UBE2E1: variants seen among roughly 807,000 people sequenced by gnomAD.
The protein encoded by UBE2E1 is ubiquitin conjugating enzyme E2 E1.
A neutral mutation model predicts 21.4 loss-of-function variants in UBE2E1; 6 were observed. That is an observed-to-expected ratio of 0.28 (90% CI 0.15 to 0.55). The LOEUF (loss-of-function observed/expected upper bound fraction) is 0.55, where lower values mean the gene tolerates loss of function less well. UBE2E1 is among the 20% of genes least tolerant of loss of function. The pLI is 0.93. For missense variants in UBE2E1, 142 were observed against 236.5 expected (o/e 0.60, Z 2.62); for synonymous variants, 87 against 82.7 (o/e 1.05, Z -0.28).
intron 3 of UBE2E1, among the ~76,000 whole-genome samples, chr3:23,885,723 A>AATGGCGC (rs1409486332): frequency 6.6e-6 from 1 of 152,022 alleles, no homozygotes; most frequent in Non-Finnish European, 1.5e-5. Flanking sequence ...AGCCAGGCAT[A>AATGGCGC]ATGGCGCATG....
chr3:23,865,244 A>G (rs1203800250), intron 3 of UBE2E1, among the ~76,000 whole-genome samples: 1 of 152,216 alleles, frequency 6.6e-6, no homozygotes, highest in East Asian at 1.9e-4. Context: ...ACTGAGGCCC[A>G]GGCAACTCCT....
chr3:23,838,453 C>G (rs1174434953), intron 3 of UBE2E1, among the ~76,000 whole-genome samples: 1 of 152,068 alleles, frequency 6.6e-6, no homozygotes, highest in Non-Finnish European at 1.5e-5. Flanking sequence ...AATGGTTAGA[C>G]CATTAACATT....
chr3:23,816,563 C>T lies in UBE2E1; in HGVS notation c.203+5053C>T, dbSNP rs568733042. The stretch of plus-strand genomic sequence containing the variant: ...CTACTAAAAATACAAAAAAATTAGC[C>T]GGGCATGGTGGCGGGCACCTGTAGT... On this transcript the variant is annotated intron_variant, in intron 3 of 5. Coordinates refer to ENST00000306627, the MANE Select transcript of UBE2E1 (RefSeq NM_003341.5). The surrounding 1 kb of genome is among the most constrained non-coding windows in gnomAD (Gnocchi z 4.8). 1.4e-4 allele frequency among the ~76,000 whole-genome samples: 21 copies of T among 152,146 alleles called. No individual in the cohort carries two copies. Among genetic ancestry groups the T allele is most frequent in the South Asian group, 6.2e-4 (3 of 4,814 alleles).
chr3:23,829,582 A>G (rs1467015811), intron 3 of UBE2E1, among the ~76,000 whole-genome samples: 1 of 152,122 alleles, frequency 6.6e-6, no homozygotes, highest in Non-Finnish European at 1.5e-5. Flanking sequence ...GTTTACCAGT[A>G]GCCTGAGCCC....
chr3:23,813,688 A>G (rs1472166105), intron 3 of UBE2E1, among the ~76,000 whole-genome samples: 1 of 152,128 alleles, frequency 6.6e-6, no homozygotes, highest in Non-Finnish European at 1.5e-5. Context: ...GATTATAGGC[A>G]CGTGCCACCA....
intron 3 of UBE2E1, among the ~76,000 whole-genome samples, chr3:23,828,122 G>A (rs534939311): frequency 3.3e-5 from 5 of 152,228 alleles, no homozygotes; most frequent in African/African-American, 9.6e-5. Flanking sequence ...TGTCAAGACC[G>A]AGTTTTTAAA....
At chr3:23,871,154 G>A (rs1416279858) in intron 3 of UBE2E1, among the ~76,000 whole-genome samples, 1 of 151,992 alleles carries the variant, frequency 6.6e-6, no homozygotes, top group African/African-American at 2.4e-5. Context: ...CCACAAAACC[G>A]CCATTGTCAT....
chr3:23,878,952 C>A (rs1700977751), intron 3 of UBE2E1: 2 of 402,138 alleles, frequency 5.0e-6, no homozygotes, highest in Non-Finnish European at 9.9e-6. Flanking sequence ...AAAAGCAGCC[C>A]CTGGTGCAGA....
intron 3 of UBE2E1, among the ~76,000 whole-genome samples, chr3:23,858,111 C>G (rs368623000): frequency 9.9e-5 from 15 of 152,258 alleles, no homozygotes; most frequent in Middle Eastern, 3.4e-3. Context: ...AAACCTCAGG[C>G]GCTTTCCCTG....
chr3:23,879,305 AT>A, intron 3 of UBE2E1: 1 of 854,670 alleles, frequency 1.2e-6, no homozygotes, highest in Non-Finnish European at 1.8e-6. Flanking sequence ...CTGTTTTAGA[AT>A]TTGCCAAGAT....
chr3:23,872,699 T>C (rs1700829574), intron 3 of UBE2E1, among the ~76,000 whole-genome samples: 1 of 152,230 alleles, frequency 6.6e-6, no homozygotes, highest in Non-Finnish European at 1.5e-5. Flanking sequence ...ATAAATAACA[T>C]TTTAAATGAA....
intron 3 of UBE2E1, among the ~76,000 whole-genome samples, chr3:23,886,099 G>A (rs981356401): frequency 2.0e-5 from 3 of 152,122 alleles, no homozygotes; most frequent in Non-Finnish European, 4.4e-5. Context: ...TACTCAGGTG[G>A]CTAAGGTGGG....
intron 3 of UBE2E1, among the ~76,000 whole-genome samples, chr3:23,818,676 G>A (rs957676931): frequency 3.3e-5 from 5 of 152,172 alleles, no homozygotes; most frequent in African/African-American, 4.8e-5. Context: ...TTGAATCTGA[G>A]GTGGCCTGAC....
intron 3 of UBE2E1, among the ~76,000 whole-genome samples, chr3:23,877,182 C>T (rs1375996418): frequency 6.6e-6 from 1 of 152,106 alleles, no homozygotes; most frequent in South Asian, 2.1e-4. Context: ...GGGATGGATG[C>T]CGATGTTGCT....
chr3:23,887,504 T>A lies in UBE2E1; in HGVS notation c.204-63T>A. The stretch of plus-strand genomic sequence containing the variant: ...AGAGAGGTAATCTTTCCATCTCTTT[T>A]AATACACTGTAAAAATTGGGATAGT... On this transcript the variant is annotated intron_variant, in intron 3 of 5. Coordinates refer to ENST00000306627, the MANE Select transcript of UBE2E1 (RefSeq NM_003341.5). This position sits in a 1 kb window ranked among gnomAD's most constrained non-coding sequence, Gnocchi z 4.4. The A allele has an allele frequency of 6.4e-7, 1 of 1,558,374 alleles. No individual in the cohort carries two copies. Among genetic ancestry groups the A allele is most frequent in the Non-Finnish European group, 8.6e-7 (1 of 1,157,912 alleles).
At chr3:23,875,407 C>G (rs186386621) in intron 3 of UBE2E1, among the ~76,000 whole-genome samples, 5 of 152,264 alleles carry the variant, frequency 3.3e-5, no homozygotes, top group Admixed American at 3.3e-4. Flanking sequence ...AAGATTGTAT[C>G]CAAATGACTA....
At chr3:23,888,507 G>T (rs1196824411) in intron 4 of UBE2E1, among the ~76,000 whole-genome samples, 1 of 152,196 alleles carries the variant, frequency 6.6e-6, no homozygotes, top group African/African-American at 2.4e-5. Flanking sequence ...TGTGACTTGT[G>T]TTCTGCTGTG....
intron 3 of UBE2E1, among the ~76,000 whole-genome samples, chr3:23,813,119 C>A (rs1575799972): frequency 6.6e-6 from 1 of 152,142 alleles, no homozygotes. Context: ...CCCAATTACC[C>A]CTTCAAGGTG....
intron 3 of UBE2E1, among the ~76,000 whole-genome samples, chr3:23,861,895 T>C (rs1253832186): frequency 6.6e-6 from 1 of 152,240 alleles, no homozygotes; most frequent in Non-Finnish European, 1.5e-5. Flanking sequence ...ATTCTTCTGG[T>C]ATGCCAAAGC....
Sources: allele counts gnomAD v4.1 joint callset (sites outside exome capture counted in the v4.1 genomes callset), GRCh38; gene constraint gnomAD v4.1.1; non-coding constraint Gnocchi (gnomAD v3.1); transcripts MANE v1.5; gene names NCBI Gene and HGNC (gene_info 2026-07-23, HGNC 2026-07-21).